Variants in SSBP3 observed in about 807,000 individuals in gnomAD.
The protein encoded by SSBP3 is single-stranded DNA-binding protein 3.
In SSBP3, 5 loss-of-function variants were observed where a neutral mutation model predicts 69.6. The ratio of observed to expected loss-of-function variants is 0.07; its 90% CI spans 0.04 to 0.15. The LOEUF (loss-of-function observed/expected upper bound fraction) is 0.15, where lower values mean the gene tolerates loss of function less well. SSBP3 is among the 10% of genes least tolerant of loss of function. The probability of loss-of-function intolerance (pLI) is 1.00; values close to 1 mark genes in which losing one functional copy is unlikely to be tolerated. For synonymous variants in SSBP3, 196 were observed against 193.4 expected (o/e 1.01, Z -0.11); for missense variants, 312 against 534.0 (o/e 0.58, Z 4.10).
At chr1:54,382,180 C>T (rs1438657551) in intron 4 of SSBP3, among the ~76,000 whole-genome samples, 2 of 152,074 alleles carry the variant, frequency 1.3e-5, no homozygotes, top group Admixed American at 6.5e-5. Context: ...GGCAATAGAG[C>T]GAGACTCTGT....
chr1:54,245,772 G>A (rs971054984), intron 9 of SSBP3, among the ~76,000 whole-genome samples: 1 of 152,272 alleles, frequency 6.6e-6, no homozygotes, highest in African/African-American at 2.4e-5. Context: ...ACAGGGTGAA[G>A]AGCAGAACTC....
chr1:54,338,283 A>G (rs918358037), intron 4 of SSBP3, among the ~76,000 whole-genome samples: 4 of 152,254 alleles, frequency 2.6e-5, no homozygotes, highest in African/African-American at 9.6e-5. Context: ...GCATATGCTA[A>G]AGCGAATGTT....
chr1:54,234,453 T>C (rs1644451227), intron 14 of SSBP3, among the ~76,000 whole-genome samples: 1 of 152,054 alleles, frequency 6.6e-6, no homozygotes, highest in African/African-American at 2.4e-5. Context: ...CCGGGTGTGG[T>C]GGCACGTGCC....
chr1:54,264,310 C>A (rs1376354639), intron 5 of SSBP3, among the ~76,000 whole-genome samples: 1 of 152,114 alleles, frequency 6.6e-6, no homozygotes, highest in Non-Finnish European at 1.5e-5. Context: ...AAAAACGAAA[C>A]AAAACAAAAC....
chr1:54,302,576 C>G (rs1044952695), intron 4 of SSBP3, among the ~76,000 whole-genome samples: 1 of 152,138 alleles, frequency 6.6e-6, no homozygotes, highest in Non-Finnish European at 1.5e-5. Flanking sequence ...ATATTTGTTT[C>G]TTTCTCTAGC....
rs139043933 is a variant in SSBP3, at chr1:54,281,582, G to C, written c.277-55C>G. On this transcript the variant is annotated intron_variant, in intron 4 of 17. Coordinates refer to ENST00000610401, the Ensembl canonical transcript of SSBP3. ...GGCCAAACCCACAACCAGAGACACAGAGTTCTGACCCCTGGACTTGGCTCT... is the reference window on the plus strand; with the variant it reads ...GGCCAAACCCACAACCAGAGACACACAGTTCTGACCCCTGGACTTGGCTCT... 794 of 1,485,452 alleles carry C rather than the reference G, an allele frequency of 5.3e-4. 3 individuals are homozygous for C. The highest frequency in any genetic ancestry group is 3.2e-3 in the Middle Eastern group (19 of 5,868). 92.0% of individuals were successfully genotyped at this position (1,485,452 alleles called of 1,614,324 possible). A position where few individuals can be genotyped will look rare whatever the true frequency, so the allele number is the denominator to read the frequency against.
intron 4 of SSBP3, among the ~76,000 whole-genome samples, chr1:54,308,697 G>A (rs1645945314): frequency 6.6e-6 from 1 of 151,874 alleles, no homozygotes; most frequent in South Asian, 2.1e-4. Context: ...GAACCCAGAA[G>A]GCAGAGGCTG....
chr1:54,386,693 T>TTTTTTTTTTTTTTTTTTTTTTTTTA (rs1648112722), intron 4 of SSBP3, among the ~76,000 whole-genome samples: 1 of 139,212 alleles, frequency 7.2e-6, no homozygotes, highest in Non-Finnish European at 1.5e-5. Flanking sequence ...CTTTTTTTTT[T>TTTTTTTTTTTTTTTTTTTTTTTTTA]TTTTTTTTTT....
intron 10 of SSBP3, 111 bp from the exon 11 acceptor site, chr1:54,242,323 CTA>C: frequency 7.7e-7 from 1 of 1,306,278 alleles, no homozygotes; most frequent in Admixed American, 1.8e-5. Flanking sequence ...GAAGTCCTTC[CTA>C]CAGCCCTGCG....
chr1:54,349,268 C>T (rs1453339087), intron 4 of SSBP3, among the ~76,000 whole-genome samples: 1 of 152,338 alleles, frequency 6.6e-6, no homozygotes, highest in East Asian at 1.9e-4. Flanking sequence ...GTCAGCTCCA[C>T]AAGGTAGGCA....
intron 5 of SSBP3, among the ~76,000 whole-genome samples, chr1:54,262,921 C>A (rs1159076603): frequency 6.6e-6 from 1 of 152,220 alleles, no homozygotes; most frequent in Admixed American, 6.5e-5. Context: ...CTTCCAGCTG[C>A]CCTGGACCCT....
At chr1:54,381,278 G>A (rs980721994) in intron 4 of SSBP3, among the ~76,000 whole-genome samples, 11 of 150,850 alleles carry the variant, frequency 7.3e-5, no homozygotes, top group African/African-American at 2.7e-4. Flanking sequence ...AGCTACTCAG[G>A]AGGCTGAGGC....
In SSBP3 at chr1:54,228,686, G is replaced by A. The variant is rs919100196; in HGVS notation, c.1006+62C>T. 7.8e-6 allele frequency: 12 copies of A among 1,532,600 alleles called. No individual in the cohort carries two copies. In the Admixed American group the frequency reaches 2.2e-4, roughly 28 times the overall value. 94.9% of individuals were successfully genotyped at this position (1,532,600 alleles called of 1,614,324 possible). On this transcript the variant is annotated intron_variant, in intron 15 of 17. Coordinates refer to ENST00000610401, the Ensembl canonical transcript of SSBP3. ...TGTACCAAGCCCAGCTGAGCCAGGA[G>A]CTGAGGCACAGAGCTGGCTGCCCAG...
At chr1:54,281,082 A>AT (rs974775728) in intron 5 of SSBP3, among the ~76,000 whole-genome samples, 4 of 152,114 alleles carry the variant, frequency 2.6e-5, no homozygotes, top group Admixed American at 6.5e-5. Flanking sequence ...CAATTTACTG[A>AT]TTTTTTTTAA....
At chr1:54,237,850 C>T (rs2100612963) in intron 14 of SSBP3, 2 of 321,536 alleles carry the variant, frequency 6.2e-6, no homozygotes, top group East Asian at 7.9e-5. Context: ...GAGTTGCAGC[C>T]TGAGTGATGT....
chr1:54,319,577 T>TC (rs905467651), intron 4 of SSBP3, among the ~76,000 whole-genome samples: 1 of 151,914 alleles, frequency 6.6e-6, no homozygotes, highest in African/African-American at 2.4e-5. Context: ...GGTGGGAAGG[T>TC]CCTCAGCATC....
intron 4 of SSBP3, among the ~76,000 whole-genome samples, chr1:54,337,671 T>C (rs1040799370): frequency 2.6e-5 from 4 of 151,728 alleles, no homozygotes; most frequent in African/African-American, 4.8e-5. Context: ...AATTTTTGTA[T>C]TTTTAGTAGA....
intron 13 of SSBP3, among the ~76,000 whole-genome samples, chr1:54,240,103 TGCGTGCGCGC>T (rs1211443093): frequency 2.3e-4 from 5 of 22,158 alleles, no homozygotes; most frequent in South Asian, 3.0e-3. Flanking sequence ...CGCGCGCGTG[TGCGTGCGCGC>T]GCGCGCGCAA....
chr1:54,303,643 T>A (rs1286975977), intron 4 of SSBP3, among the ~76,000 whole-genome samples: 1 of 152,154 alleles, frequency 6.6e-6, no homozygotes, highest in Non-Finnish European at 1.5e-5. Context: ...CTCGTGCTCT[T>A]AAATCTTTAC....
Sources: allele counts gnomAD v4.1 joint callset (sites outside exome capture counted in the v4.1 genomes callset), GRCh38; gene constraint gnomAD v4.1.1; transcripts MANE v1.5; gene names NCBI Gene and HGNC (gene_info 2026-07-23, HGNC 2026-07-21).